EFEMP1: variants seen among roughly 807,000 people sequenced by gnomAD.
EFEMP1 encodes the protein EGF-like fibulin extracellular matrix protein 1, also known as EGF-containing fibulin-like extracellular matrix protein 1.
A neutral mutation model predicts 65.7 loss-of-function variants in EFEMP1; 18 were observed. That is an observed-to-expected ratio of 0.27 (90% CI 0.19 to 0.41). The LOEUF (loss-of-function observed/expected upper bound fraction) is 0.41. Ranked by LOEUF, EFEMP1 falls within the 10% of genes least tolerant of loss-of-function variation. The probability of loss-of-function intolerance (pLI) is 1.00; values close to 1 mark genes in which losing one functional copy is unlikely to be tolerated. For synonymous variants in EFEMP1, 237 were observed against 219.7 expected, an observed-to-expected ratio of 1.08 and a Z score of -0.70; for missense variants, 469 against 624.8, an observed-to-expected ratio of 0.75 and a Z score of 2.66.
In EFEMP1 at chr2:55,923,731, C is replaced by G. The variant is rs1312306542; in HGVS notation, c.-69G>C. 4 of 985,766 alleles carry G rather than the reference C, an allele frequency of 4.1e-6. No homozygotes were observed. Among genetic ancestry groups the G allele is most frequent in the Non-Finnish European group, 4.8e-6 (4 of 830,252 alleles). The allele number at this position is 985,766 out of a possible 1,614,324, so 61.1% of individuals were successfully genotyped here. A position where few individuals can be genotyped will look rare whatever the true frequency, so the allele number is the denominator to read the frequency against. On this transcript the variant is annotated 5_prime_UTR_variant, in exon 1 of 12. Coordinates refer to ENST00000355426, the MANE Select transcript of EFEMP1 (RefSeq NM_001039348.3). The surrounding 1 kb of genome is among the most constrained non-coding windows in gnomAD (Gnocchi z 5.3). ...CCTACCTGTGCGGCCGCGCTGCGCT[C>G]CGGGCCCGGGCAGCGAGGGGAGTGC... is the stretch of plus-strand genomic sequence containing the variant.
intron 5 of EFEMP1, among the ~76,000 whole-genome samples, chr2:55,910,987 GA>G (rs1273472997): frequency 1.3e-5 from 2 of 152,116 alleles, no homozygotes; most frequent in East Asian, 3.9e-4. Flanking sequence ...ACTTAAGGAG[GA>G]GCCCTATAGA....
chr2:55,899,644 G>C (rs1669957823), intron 5 of EFEMP1, among the ~76,000 whole-genome samples: 1 of 152,134 alleles, frequency 6.6e-6, no homozygotes, highest in Non-Finnish European at 1.5e-5. Context: ...AGGCTCTTTT[G>C]GTTACATAAT....
Position 55,877,960 on chromosome 2 carries a change from T to G in EFEMP1, c.641-95A>C. The G allele has an allele frequency of 6.9e-7, 1 of 1,447,410 alleles. No individual in the cohort carries two copies. Among genetic ancestry groups the G allele is most frequent in the Non-Finnish European group, 9.5e-7 (1 of 1,055,932 alleles). 89.7% of individuals were successfully genotyped at this position (1,447,410 alleles called of 1,614,324 possible). On this transcript the variant is annotated intron_variant, in intron 6 of 11. Coordinates refer to ENST00000355426, the MANE Select transcript of EFEMP1 (RefSeq NM_001039348.3). This position sits in a 1 kb window ranked among gnomAD's most constrained non-coding sequence, Gnocchi z 4.5. ...AGAAAACCTATGTAGAGAAAATCTC[T>G]TTTTAAAAGTAATAATTTCCTATTT...
At chr2:55,915,972 G>A (rs376973916) in intron 5 of EFEMP1, among the ~76,000 whole-genome samples, 9 of 152,052 alleles carry the variant, frequency 5.9e-5, no homozygotes, top group Admixed American at 3.9e-4. Context: ...ACAGTAACAC[G>A]AAACAGATGC....
intron 5 of EFEMP1, among the ~76,000 whole-genome samples, chr2:55,913,033 C>G (rs1670539207): frequency 6.6e-6 from 1 of 152,124 alleles, no homozygotes; most frequent in African/African-American, 2.4e-5. Flanking sequence ...AAGACTCTGT[C>G]CAACTACTTA....
At chr2:55,896,111 T>C (rs1291825374) in intron 5 of EFEMP1, among the ~76,000 whole-genome samples, 3 of 152,228 alleles carry the variant, frequency 2.0e-5, no homozygotes, top group Non-Finnish European at 4.4e-5. Context: ...AAGGTAGCAA[T>C]TGAGATATCC....
rs1227692766 is a variant in EFEMP1, at chr2:55,919,430, C to G, written c.82-1163G>C. Among the ~76,000 whole-genome samples the G allele has an allele frequency of 6.6e-6, 1 of 152,160 alleles. No homozygotes were observed. Among genetic ancestry groups the G allele is most frequent in the Non-Finnish European group, 1.5e-5 (1 of 68,034 alleles). ...GAATCTAAATTCTTAGCAAGTATCC[C>G]AGGCGATTCCCATACAGGTTGTCTA... On this transcript the variant is annotated intron_variant, in intron 3 of 11. Transcript: ENST00000355426. This position sits in a 1 kb window ranked among gnomAD's most constrained non-coding sequence, Gnocchi z 4.5.
At chr2:55,904,647 A>G (rs1472142775) in intron 5 of EFEMP1, among the ~76,000 whole-genome samples, 3 of 152,188 alleles carry the variant, frequency 2.0e-5, no homozygotes, top group African/African-American at 7.2e-5. Context: ...AGAAAGGAGC[A>G]TTGGAGCTAC....
chr2:55,890,336 A>G (rs141866383), intron 5 of EFEMP1, among the ~76,000 whole-genome samples: 1 of 152,232 alleles, frequency 6.6e-6, no homozygotes, highest in East Asian at 1.9e-4. Flanking sequence ...AAATAAAAAA[A>G]TGAATGAAAC....
chr2:55,902,772 A>T (rs1038978057), intron 5 of EFEMP1, among the ~76,000 whole-genome samples: 3 of 152,232 alleles, frequency 2.0e-5, no homozygotes, highest in Admixed American at 1.3e-4. Flanking sequence ...ATGCACCTGC[A>T]TTCTTCCCAA....
Position 55,923,774 on chromosome 2 carries a change from CG to C in EFEMP1, c.-113del. 2.0e-6 allele frequency: 2 copies of C among 986,106 alleles called. No individual in the cohort carries two copies. Among genetic ancestry groups the C allele is most frequent in the Non-Finnish European group, 2.4e-6 (2 of 830,546 alleles). 61.1% of individuals were successfully genotyped at this position (986,106 alleles called of 1,614,324 possible). A position where few individuals can be genotyped will look rare whatever the true frequency, so the allele number is the denominator to read the frequency against. ...GGGAGTGCGCAGGGGAGGGCAGCCC[CG>C]TGGGTCTGATCTGGCGAAGTCCGGC... On this transcript the variant is annotated 5_prime_UTR_variant, in exon 1 of 12. Transcript: ENST00000355426. This position sits in a 1 kb window ranked among gnomAD's most constrained non-coding sequence, Gnocchi z 5.3.
chr2:55,901,811 G>T (rs889533820), intron 5 of EFEMP1, among the ~76,000 whole-genome samples: 5 of 152,136 alleles, frequency 3.3e-5, no homozygotes, highest in African/African-American at 1.2e-4. Flanking sequence ...TCTATGATTA[G>T]GTTACTAAAG....
Position 55,881,643 on chromosome 2 carries a change from A to C in EFEMP1, c.609T>G (p.Pro203=). The change falls in exon 6 of 12, where the codon CCT becomes CCG. Residue 203 remains proline (P), a synonymous_variant. Coordinates refer to ENST00000355426, the MANE Select transcript of EFEMP1 (RefSeq NM_001039348.3). ...ACTGCTCCCCTCGCTTCTGATATCC[A>C]GGAGGGCACTGACATGCAAAGGATC... is the stretch of plus-strand genomic sequence containing the variant. ...LRGSFACQCP[P]GYQKRGEQCV... The C allele has an allele frequency of 6.2e-7, 1 of 1,613,930 alleles. No homozygotes were observed. Among genetic ancestry groups the C allele is most frequent in the Non-Finnish European group, 8.5e-7 (1 of 1,179,924 alleles).
chr2:55,876,286 T>C (rs1219308046), intron 8 of EFEMP1, among the ~76,000 whole-genome samples: 3 of 152,090 alleles, frequency 2.0e-5, no homozygotes, highest in African/African-American at 7.2e-5. Context: ...ACTCAGGAGG[T>C]CTGGGTTGCA....
chr2:55,867,325 G>A lies in EFEMP1; in HGVS notation c.1321-91C>T. The stretch of plus-strand genomic sequence containing the variant: ...TTAGTATACCTCCTATAAGAATTAG[G>A]GGGAGAATTTTGAAGGTGGTATAAA... On this transcript the variant is annotated intron_variant, in intron 11 of 11. Coordinates refer to ENST00000355426, the MANE Select transcript of EFEMP1 (RefSeq NM_001039348.3). This position sits in a 1 kb window ranked among gnomAD's most constrained non-coding sequence, Gnocchi z 4.3. 7.0e-7 allele frequency: 1 copy of A among 1,427,736 alleles called. No individual in the cohort carries two copies. Among genetic ancestry groups the A allele is most frequent in the Middle Eastern group, 2.4e-4 (1 of 4,208 alleles). 88.4% of individuals were successfully genotyped at this position (1,427,736 alleles called of 1,614,324 possible).
chr2:55,906,299 C>A (rs188144614), intron 5 of EFEMP1, among the ~76,000 whole-genome samples: 65 of 150,878 alleles, frequency 4.3e-4, no homozygotes, highest in Non-Finnish European at 6.3e-4. Flanking sequence ...TCTTGGCTCA[C>A]TGCAACCTCT....
intron 6 of EFEMP1, 100 bp downstream of exon 6, chr2:55,881,512 C>A (rs757208960): frequency 4.2e-5 from 63 of 1,489,718 alleles, no homozygotes; most frequent in Non-Finnish European, 5.7e-5. Flanking sequence ...TATTGGCTAC[C>A]ACTCTCCAAA....
intron 3 of EFEMP1, among the ~76,000 whole-genome samples, chr2:55,920,534 C>T (rs1472389868): frequency 6.6e-6 from 1 of 152,320 alleles, no homozygotes; most frequent in East Asian, 1.9e-4. Context: ...TATGTGGATA[C>T]GAGCCCATTC....
At position 55,873,923 on chromosome 2, in the gene EFEMP1, TA is replaced by T. The variant is rs200869439; in HGVS notation, c.1000+1022del. On this transcript the variant is annotated intron_variant, in intron 9 of 11. Transcript: ENST00000355426. This position sits in a 1 kb window ranked among gnomAD's most constrained non-coding sequence, Gnocchi z 4.6. ...TGTGTGCCTTCACTCCAACTCTGATTAAAAAGGACTCTCTACAGAAGACGTA... is the reference window on the plus strand; with the variant it reads ...TGTGTGCCTTCACTCCAACTCTGATTAAAAGGACTCTCTACAGAAGACGTA... Among the ~76,000 whole-genome samples the T allele has an allele frequency of 0.025, 3,812 of 152,056 alleles. 101 individuals are homozygous for T. The highest frequency in any genetic ancestry group is 0.055 in the Admixed American group (834 of 15,264).
Sources: allele counts gnomAD v4.1 joint callset (sites outside exome capture counted in the v4.1 genomes callset), GRCh38; gene constraint gnomAD v4.1.1; non-coding constraint Gnocchi (gnomAD v3.1); transcripts MANE v1.5; gene names NCBI Gene and HGNC (gene_info 2026-07-23, HGNC 2026-07-21).